F13B: variants seen among roughly 807,000 people sequenced by gnomAD.
F13B encodes coagulation factor XIII B chain, also known as TGase.
Under a neutral mutation model 79.8 loss-of-function variants are expected in F13B, and 58 were observed. The ratio of observed to expected loss-of-function variants is 0.73; its 90% CI spans 0.59 to 0.90. F13B has a LOEUF of 0.90. Among genes scored for constraint, F13B ranks in the 40% least tolerant of loss-of-function variants. The pLI, the probability that F13B is intolerant of heterozygous loss-of-function variation, is 0.00. For synonymous variants in F13B, 283 were observed against 260.3 expected (o/e 1.09, Z -0.84); for missense variants, 773 against 777.0 (o/e 0.99, Z 0.06).
intron 10 of F13B, among the ~76,000 whole-genome samples, chr1:197,046,607 A>G (rs1293412869): frequency 1.3e-5 from 2 of 152,212 alleles, no homozygotes; most frequent in Non-Finnish European, 2.9e-5. Flanking sequence ...TATAGATTCA[A>G]TGCCATCCCC....
intron 10 of F13B, among the ~76,000 whole-genome samples, chr1:197,043,946 G>C (rs1655131294): frequency 6.6e-6 from 1 of 151,904 alleles, no homozygotes; most frequent in Non-Finnish European, 1.5e-5. Flanking sequence ...CTAACTTGAA[G>C]AACAAAATGT....
intron 9 of F13B, among the ~76,000 whole-genome samples, chr1:197,051,817 C>T (rs2125063588): frequency 6.6e-6 from 1 of 152,186 alleles, no homozygotes; most frequent in Middle Eastern, 3.4e-3. Flanking sequence ...ACATAAATGT[C>T]TTCTTTTGAG....
chr1:197,051,311 C>T (rs763639625), intron 9 of F13B, among the ~76,000 whole-genome samples: 11 of 152,078 alleles, frequency 7.2e-5, no homozygotes, highest in African/African-American at 1.4e-4. Context: ...TAGAATCCCA[C>T]GTTATAGTGT....
At chr1:197,043,781 T>C (rs919286769) in intron 10 of F13B, among the ~76,000 whole-genome samples, 1 of 151,436 alleles carries the variant, frequency 6.6e-6, no homozygotes, top group Non-Finnish European at 1.5e-5. Context: ...TGAGAGAAAA[T>C]ATAGATTTAA....
chr1:197,042,197 A>C (rs1655061123), intron 10 of F13B, among the ~76,000 whole-genome samples: 1 of 152,236 alleles, frequency 6.6e-6, no homozygotes, highest in Non-Finnish European at 1.5e-5. Flanking sequence ...CCTATGTGTC[A>C]AACATTATGC....
At chr1:197,040,292 ACAAATAT>A (rs1227521239) in intron 11 of F13B, 2 of 490,344 alleles carry the variant, frequency 4.1e-6, no homozygotes, top group Non-Finnish European at 7.2e-6. Context: ...CCAAAGTGTC[ACAAATAT>A]CAAATGGCAA....
At chr1:197,064,077 C>T (rs1414638267) in intron 1 of F13B, among the ~76,000 whole-genome samples, 1 of 152,088 alleles carries the variant, frequency 6.6e-6, no homozygotes. Flanking sequence ...TACTAGTCAT[C>T]AGGGAAATGA....
At chr1:197,042,342 ATTTAAAAG>A (rs940639414) in intron 10 of F13B, among the ~76,000 whole-genome samples, 4 of 152,180 alleles carry the variant, frequency 2.6e-5, no homozygotes, top group African/African-American at 9.7e-5. Flanking sequence ...ATTAAAATAA[ATTTAAAAG>A]TTGATTCATG....
intron 10 of F13B, among the ~76,000 whole-genome samples, chr1:197,044,348 G>A (rs17549790): frequency 5.9e-5 from 9 of 151,994 alleles, no homozygotes; most frequent in African/African-American, 2.2e-4. Context: ...GCTGAGCAGG[G>A]GTTACAATCC....
chr1:197,058,803 A>G (rs1054241556), intron 5 of F13B, among the ~76,000 whole-genome samples: 3 of 152,060 alleles, frequency 2.0e-5, no homozygotes, highest in African/African-American at 7.2e-5. Flanking sequence ...GATATAATTC[A>G]GCCCACAACT....
Position 197,067,042 on chromosome 1 carries a change from AAT to A in F13B, c.64+116_64+117del, listed in dbSNP as rs375539623. On this transcript the variant is annotated intron_variant, in intron 1 of 11. Transcript: ENST00000367412. ...ATATTATAAAAAGTTATATTTATAAAATATGTTATAAAATTGATAATGAAAAT... is the reference window on the plus strand; with the variant it reads ...ATATTATAAAAAGTTATATTTATAAAATGTTATAAAATTGATAATGAAAAT... 4.0e-4 allele frequency: 208 copies of A among 516,662 alleles called. No individual in the cohort carries two copies. The East Asian group carries it at 6.2e-3, about 15-fold the overall frequency. The allele number at this position is 516,662 out of a possible 1,614,324, so 32.0% of individuals were successfully genotyped here.
chr1:197,059,680 G>A, intron 5 of F13B, among the ~76,000 whole-genome samples: 1 of 152,102 alleles, frequency 6.6e-6, no homozygotes, highest in East Asian at 1.9e-4. Context: ...CTTTGTACCT[G>A]AGTTGATTGT....
At chr1:197,053,371 A>C (rs1655522048) in intron 8 of F13B, among the ~76,000 whole-genome samples, 1 of 152,120 alleles carries the variant, frequency 6.6e-6, no homozygotes, top group Non-Finnish European at 1.5e-5. Flanking sequence ...GAGGTAATTG[A>C]ATCCTGGGGT....
intron 8 of F13B, 29 bp downstream of exon 8, chr1:197,055,686 G>A (rs547783667): frequency 6.4e-5 from 102 of 1,604,354 alleles, no homozygotes; most frequent in Admixed American, 3.3e-4. Flanking sequence ...AAGTACAAAC[G>A]TAGACATTCC....
chr1:197,039,401 A>T lies in F13B; in HGVS notation c.1963T>A (p.Tyr655Asn). 6.2e-7 allele frequency: 1 copy of T among 1,610,644 alleles called. No individual in the cohort carries two copies. The highest frequency in any genetic ancestry group is 2.2e-5 in the East Asian group (1 of 44,654). Reference sequence around the variant, plus strand: ...TTCTATGTTCTTAAGGGTTCTTGATAAGACAGAGTGCTTGAGGGGAAAAAG... The same window carrying T: ...TTCTATGTTCTTAAGGGTTCTTGATTAGACAGAGTGCTTGAGGGGAAAAAG... ...RCIPRQSTLS[Y>N]QEPLRT Residue 655 changes from tyrosine (Y) to asparagine (N), a missense_variant, in exon 12 of 12, where the codon TAT becomes AAT. Coordinates refer to ENST00000367412, the MANE Select transcript of F13B (RefSeq NM_001994.3).
At position 197,039,410 on chromosome 1, in the gene F13B, T is replaced by C. The variant is rs1654954673; in HGVS notation, c.1954A>G (p.Thr652Ala). ...KYPRCIPRQS[T>A]LSYQEPLRT is the part of the protein sequence containing the mutation. ...CTTAAGGGTTCTTGATAAGACAGAGTGCTTGAGGGGAAAAAGAGAGATTTT... is the reference window on the plus strand; with the variant it reads ...CTTAAGGGTTCTTGATAAGACAGAGCGCTTGAGGGGAAAAAGAGAGATTTT... The change falls in exon 12 of 12, where the codon ACT (threonine) becomes GCT (alanine). Residue 652 changes from threonine (T) to alanine (A), a missense_variant and splice_region_variant. Physicochemically the swap from Thr to Ala is moderately conservative, Grantham distance 58. Transcript: ENST00000367412. 1.2e-6 allele frequency: 2 copies of C among 1,609,508 alleles called. No individual in the cohort carries two copies. Among genetic ancestry groups the C allele is most frequent in the Non-Finnish European group, 1.7e-6 (2 of 1,177,352 alleles).
chr1:197,059,664 C>G (rs1431381778), intron 5 of F13B, among the ~76,000 whole-genome samples: 1 of 152,194 alleles, frequency 6.6e-6, no homozygotes, highest in Admixed American at 6.5e-5. Context: ...AATGTTTATT[C>G]CTGCACTTTG....
rs140531979 is a variant in F13B, at chr1:197,040,558, C to T, written c.1916G>A (p.Gly639Glu). Residue 639 changes from glycine to glutamate, a missense_variant, in exon 11 of 12, where the codon GGG (glycine) becomes GAG (glutamate). Coordinates refer to ENST00000367412, the MANE Select transcript of F13B (RefSeq NM_001994.3). ...GSILRMQCDR[G>E]QLKYPRCIPR... is the part of the protein sequence containing the mutation. ...AATACATCTTGGATATTTTAACTGC[C>T]CTCTGTCACATTGCATTCTAAGTAT... 8.5e-5 allele frequency: 137 copies of T among 1,612,634 alleles called. 1 individual carries two copies. In the African/African-American group the frequency reaches 1.5e-3, roughly 17 times the overall value.
chr1:197,055,569 T>G (rs1214136881), intron 8 of F13B, 146 bp downstream of exon 8: 1 of 819,978 alleles, frequency 1.2e-6, no homozygotes, highest in Non-Finnish European at 2.0e-6. Context: ...ACACTAATAT[T>G]TTAGGGACTT....
Sources: allele counts gnomAD v4.1 joint callset (sites outside exome capture counted in the v4.1 genomes callset), GRCh38; gene constraint gnomAD v4.1.1; transcripts MANE v1.5; gene names NCBI Gene and HGNC (gene_info 2026-07-23, HGNC 2026-07-21).